Variants in CENPP observed in about 807,000 individuals in gnomAD.
CENPP encodes the protein centromere protein P.
Under a neutral mutation model 35.6 loss-of-function variants are expected in CENPP, and 24 were observed. The ratio of observed to expected loss-of-function variants is 0.67; its 90% CI spans 0.49 to 0.95. The LOEUF is 0.95. Among genes scored for constraint, CENPP ranks in the 40% least tolerant of loss-of-function variants. The pLI is 0.00. For missense variants in CENPP, 332 were observed against 345.3 expected (o/e 0.96, Z 0.31); for synonymous variants, 120 against 125.5 (o/e 0.96, Z 0.29).
Position 92,614,760 on chromosome 9 carries a change from A to G in CENPP, c.*1611A>G, listed in dbSNP as rs1261825097. 1 of 152,686 alleles carries G rather than the reference A, an allele frequency of 6.5e-6. No individual in the cohort carries two copies. The highest frequency in any genetic ancestry group is 1.5e-5 in the Non-Finnish European group (1 of 68,052). 9.5% of individuals were successfully genotyped at this position (152,686 alleles called of 1,614,324 possible). On this transcript the variant is annotated 3_prime_UTR_variant, in exon 8 of 8. Coordinates refer to ENST00000375587, the MANE Select transcript of CENPP (RefSeq NM_001012267.3). The stretch of plus-strand genomic sequence containing the variant: ...GTCTGTACAACCTAGCATAGAATAA[A>G]AAACTGAAACCAAGATTCCCAACGT...
intron 5 of CENPP, among the ~76,000 whole-genome samples, chr9:92,598,542 G>A (rs913552009): frequency 2.0e-4 from 30 of 152,110 alleles, no homozygotes; most frequent in Non-Finnish European, 1.5e-4. Context: ...GGCAGCACTG[G>A]GTCTCACCCT....
intron 5 of CENPP, among the ~76,000 whole-genome samples, chr9:92,540,810 G>C (rs898788885): frequency 6.6e-6 from 1 of 151,720 alleles, no homozygotes; most frequent in African/African-American, 2.4e-5. Context: ...AATATAATAA[G>C]GAATCACTGG....
intron 5 of CENPP, among the ~76,000 whole-genome samples, chr9:92,479,115 C>T (rs899302089): frequency 6.6e-6 from 1 of 152,122 alleles, no homozygotes; most frequent in Non-Finnish European, 1.5e-5. Context: ...AGGAGCAGAA[C>T]TGAGAGTTGA....
chr9:92,575,273 C>A (rs1850253263), intron 5 of CENPP, among the ~76,000 whole-genome samples: 1 of 152,010 alleles, frequency 6.6e-6, no homozygotes, highest in Non-Finnish European at 1.5e-5. Flanking sequence ...AGGCAACTCA[C>A]AAATAGGACA....
At chr9:92,529,513 T>C (rs1848618600) in intron 5 of CENPP, among the ~76,000 whole-genome samples, 1 of 152,136 alleles carries the variant, frequency 6.6e-6, no homozygotes, top group Non-Finnish European at 1.5e-5. Context: ...CGCAGATATG[T>C]ATAGGAGCTT....
chr9:92,577,066 G>A (rs770869145), intron 5 of CENPP, among the ~76,000 whole-genome samples: 12 of 152,110 alleles, frequency 7.9e-5, no homozygotes, highest in Non-Finnish European at 1.5e-5. Flanking sequence ...CCAATTATTA[G>A]GATATGGAAC....
intron 5 of CENPP, among the ~76,000 whole-genome samples, chr9:92,490,030 C>A (rs1471503094): frequency 3.9e-5 from 6 of 152,238 alleles, no homozygotes; most frequent in African/African-American, 1.4e-4. Context: ...ACTCAGAGGC[C>A]TGGAAGCCTT....
chr9:92,336,413 G>C (rs905100620), intron 2 of CENPP, among the ~76,000 whole-genome samples: 1 of 152,100 alleles, frequency 6.6e-6, no homozygotes, highest in Non-Finnish European at 1.5e-5. Context: ...CTCGTATTCT[G>C]CTATGTAAAT....
chr9:92,417,228 A>G (rs1843640763), intron 5 of CENPP: 2 of 1,614,060 alleles, frequency 1.2e-6, no homozygotes, highest in South Asian at 1.1e-5. Flanking sequence ...GCATTGATGA[A>G]TGAATTTGCA....
chr9:92,339,106 G>T (rs1387406344), intron 3 of CENPP, among the ~76,000 whole-genome samples: 1 of 152,204 alleles, frequency 6.6e-6, no homozygotes, highest in Non-Finnish European at 1.5e-5. Flanking sequence ...CAAAGAGGAG[G>T]AACAGAACAG....
At chr9:92,443,550 G>A (rs113662500) in intron 5 of CENPP, among the ~76,000 whole-genome samples, 12 of 152,200 alleles carry the variant, frequency 7.9e-5, no homozygotes, top group Admixed American at 2.6e-4. Flanking sequence ...CTTGGTTTTT[G>A]TGTGATTTTA....
At chr9:92,459,374 T>C (rs1845008676) in intron 5 of CENPP, among the ~76,000 whole-genome samples, 2 of 152,230 alleles carry the variant, frequency 1.3e-5, no homozygotes, top group South Asian at 4.1e-4. Flanking sequence ...TGCCAGCGGC[T>C]TTGCCGCAAT....
rs373787447 is a variant in CENPP at position 92,562,202 on chromosome 9, C to CTTTTTTTT, written c.565-49108_565-49107insTTTTTTTT. Among the ~76,000 whole-genome samples, 27 of 133,422 alleles carry CTTTTTTTT rather than the reference C, an allele frequency of 2.0e-4. 1 individual carries two copies. Among genetic ancestry groups the CTTTTTTTT allele is most frequent in the East Asian group, 2.6e-4 (1 of 3,836 alleles). The allele number at this position is 133,422 out of a possible 152,430, so 87.5% of individuals were successfully genotyped here. ...TCTGGAACTCAGTTTTCTTTTTTTTCTTTTCTTTTTTTTTTTTTTGAGATG... is the reference window on the plus strand; with the variant it reads ...TCTGGAACTCAGTTTTCTTTTTTTTCTTTTTTTTTTTTCTTTTTTTTTTTTTTGAGATG... On this transcript the variant is annotated intron_variant, in intron 5 of 7. Coordinates refer to ENST00000375587, the MANE Select transcript of CENPP (RefSeq NM_001012267.3).
At chr9:92,600,364 C>G in intron 5 of CENPP, 1 of 1,562,112 alleles carries the variant, frequency 6.4e-7, no homozygotes. Context: ...TTTAAAAATG[C>G]CATTGGGATA....
intron 5 of CENPP, among the ~76,000 whole-genome samples, chr9:92,552,004 G>GTA (rs768201897): frequency 7.2e-6 from 1 of 138,728 alleles, no homozygotes; most frequent in Admixed American, 7.2e-5. Flanking sequence ...ATATATATGT[G>GTA]TATATATATG....
intron 5 of CENPP, among the ~76,000 whole-genome samples, chr9:92,480,617 A>G (rs983364004): frequency 6.6e-6 from 1 of 152,226 alleles, no homozygotes; most frequent in Non-Finnish European, 1.5e-5. Context: ...CTGGTCTACA[A>G]ACTTAGAAAG....
intron 5 of CENPP, among the ~76,000 whole-genome samples, chr9:92,570,471 A>G (rs1008062987): frequency 6.6e-6 from 1 of 152,104 alleles, no homozygotes; most frequent in Non-Finnish European, 1.5e-5. Flanking sequence ...GCTGCTGGAT[A>G]CGGTTTGCCA....
chr9:92,530,644 C>T (rs1002236354), intron 5 of CENPP, among the ~76,000 whole-genome samples: 3 of 151,976 alleles, frequency 2.0e-5, no homozygotes, highest in Admixed American at 6.6e-5. Context: ...TCAGTGTCTC[C>T]GGGAGTGCTT....
chr9:92,409,570 C>T (rs10761156), intron 5 of CENPP, among the ~76,000 whole-genome samples: 63,271 of 152,110 alleles, frequency 0.42, 15,750 homozygotes, highest in East Asian at 0.8. Flanking sequence ...CATTCTCAAC[C>T]AGTATTATTG....
Sources: gnomAD v4.1 joint callset for allele counts (sites outside exome capture counted in the v4.1 genomes callset) on GRCh38, gnomAD v4.1.1 for gene constraint, MANE v1.5 for transcripts, NCBI Gene and HGNC (gene_info 2026-07-23, HGNC 2026-07-21) for gene names.